GRTP1: variants seen among roughly 807,000 people sequenced by gnomAD.
The protein encoded by GRTP1 is growth hormone regulated TBC protein 1.
GRTP1 carries 56 observed loss-of-function variants against 38.1 expected under a neutral mutation model. The observed-to-expected ratio is 1.47, with a 90% CI of 1.19 to 1.84. GRTP1 has a LOEUF of 1.84. Among genes scored for constraint, GRTP1 ranks in the 40% most tolerant of loss-of-function variants. The pLI is 0.00. For missense variants in GRTP1, 506 were observed against 453.9 expected (o/e 1.11, Z -1.04); for synonymous variants, 217 against 189.5 (o/e 1.14, Z -1.19).
chr13:113,345,512 G>A (rs1169867243), intron 4 of GRTP1, among the ~76,000 whole-genome samples: 3 of 152,272 alleles, frequency 2.0e-5, no homozygotes, highest in South Asian at 2.1e-4. Context: ...GGGCTTCGCA[G>A]CCGTGAGTCA....
chr13:113,332,348 CACAG>C (rs1161716730), intron 5 of GRTP1, among the ~76,000 whole-genome samples: 42 of 146,978 alleles, frequency 2.9e-4, no homozygotes, highest in East Asian at 8.3e-4. Flanking sequence ...GCACGCCACA[CACAG>C]GTACACACGT....
intron 2 of GRTP1, among the ~76,000 whole-genome samples, chr13:113,356,277 A>T (rs1488854599): frequency 1.3e-5 from 2 of 151,554 alleles, no homozygotes; most frequent in Non-Finnish European, 2.9e-5. Flanking sequence ...ATTTTATTTT[A>T]TTTTTTTCGA....
At chr13:113,358,804 A>G (rs1390291349) in intron 2 of GRTP1, among the ~76,000 whole-genome samples, 1 of 152,248 alleles carries the variant, frequency 6.6e-6, no homozygotes, top group Non-Finnish European at 1.5e-5. Flanking sequence ...GGACACTCAT[A>G]TATTTGTGGT....
chr13:113,334,625 G>A (rs1050677042), intron 5 of GRTP1, among the ~76,000 whole-genome samples: 5 of 152,016 alleles, frequency 3.3e-5, no homozygotes, highest in South Asian at 2.1e-4. Context: ...AAAAAAGCAC[G>A]TAATCCTTCA....
At chr13:113,340,133 T>C (rs7981281) in intron 5 of GRTP1, among the ~76,000 whole-genome samples, 147,057 of 151,670 alleles carry the variant, frequency 0.97, 71,447 homozygotes, top group Non-Finnish European at 1. Context: ...CTCAGCCTCC[T>C]GGGTAGCTGG....
chr13:113,357,423 G>A (rs1485761955), intron 2 of GRTP1, among the ~76,000 whole-genome samples: 3 of 119,228 alleles, frequency 2.5e-5, no homozygotes, highest in East Asian at 2.4e-4. Context: ...CCAGCCTGGC[G>A]ACAGAGTGAC....
At chr13:113,354,102 C>A (rs1471082087) in intron 3 of GRTP1, among the ~76,000 whole-genome samples, 1 of 152,192 alleles carries the variant, frequency 6.6e-6, no homozygotes, top group Non-Finnish European at 1.5e-5. Flanking sequence ...ATCCAAAAAA[C>A]CACAAAACAG....
chr13:113,358,728 C>T (rs1377648621), intron 2 of GRTP1, among the ~76,000 whole-genome samples: 3 of 152,004 alleles, frequency 2.0e-5, no homozygotes, highest in African/African-American at 4.8e-5. Flanking sequence ...AGTCCATCTA[C>T]AAAAGAATGA....
intron 5 of GRTP1, among the ~76,000 whole-genome samples, chr13:113,340,551 G>A (rs34902772): frequency 0.24 from 36,591 of 151,608 alleles, 6,112 homozygotes; most frequent in African/African-American, 0.48. Context: ...AGGCCAAGGT[G>A]GGCGGATCAC....
Position 113,348,534 on chromosome 13 carries a change from C to T in GRTP1, c.465+2315G>A, listed in dbSNP as rs2043208639. On this transcript the variant is annotated intron_variant, in intron 4 of 7. Transcript: ENST00000375431. The surrounding 1 kb of genome is among the most constrained non-coding windows in gnomAD (Gnocchi z 4.8). Reference sequence around the variant, plus strand: ...CTGTTGAAGTCCTAACCCCTAGTACCTCAGATTGGGACCTTGTTTGGGAAA... The same window carrying T: ...CTGTTGAAGTCCTAACCCCTAGTACTTCAGATTGGGACCTTGTTTGGGAAA... Among the ~76,000 whole-genome samples the T allele has an allele frequency of 1.3e-5, 2 of 152,198 alleles. No individual in the cohort carries two copies. The highest frequency in any genetic ancestry group is 1.5e-5 in the Non-Finnish European group (1 of 68,036).
At chr13:113,363,644 C>G (rs1259557344) in intron 2 of GRTP1, 118 bp downstream of exon 2, 18 of 1,087,760 alleles carry the variant, frequency 1.7e-5, no homozygotes, top group East Asian at 5.3e-5. Context: ...AGCTTCGTCC[C>G]GACCTGCCCG....
chr13:113,360,672 A>C (rs941848641), intron 2 of GRTP1, among the ~76,000 whole-genome samples: 5 of 152,204 alleles, frequency 3.3e-5, no homozygotes, highest in African/African-American at 1.2e-4. Flanking sequence ...AGTCACCAGC[A>C]TCCCTACTCC....
intron 5 of GRTP1, among the ~76,000 whole-genome samples, chr13:113,326,600 G>A (rs1307603636): frequency 6.6e-6 from 1 of 151,158 alleles, no homozygotes; most frequent in African/African-American, 2.4e-5. Context: ...GAACCTGGGA[G>A]GTGGAGGTTG....
At chr13:113,356,675 A>C (rs1181731193) in intron 2 of GRTP1, among the ~76,000 whole-genome samples, 2 of 152,234 alleles carry the variant, frequency 1.3e-5, no homozygotes, top group African/African-American at 4.8e-5. Context: ...AAAGAAAAAA[A>C]TCTGAGGCAC....
chr13:113,354,724 A>G (rs1425228634), intron 3 of GRTP1, among the ~76,000 whole-genome samples: 1 of 152,048 alleles, frequency 6.6e-6, no homozygotes, highest in East Asian at 1.9e-4. Flanking sequence ...ACCGGGTTTC[A>G]CCATGTTGGG....
chr13:113,351,565 C>T (rs1234438942), intron 3 of GRTP1: 1 of 156,088 alleles, frequency 6.4e-6, no homozygotes, highest in African/African-American at 2.4e-5. Flanking sequence ...CAACCCCTCC[C>T]ACTGTCCCGC....
chr13:113,338,042 G>A (rs1337187618), intron 5 of GRTP1, among the ~76,000 whole-genome samples: 1 of 152,216 alleles, frequency 6.6e-6, no homozygotes, highest in East Asian at 1.9e-4. Context: ...AGGATGTAGA[G>A]CGCTAATTCA....
At chr13:113,332,493 A>G (rs2042892221) in intron 5 of GRTP1, among the ~76,000 whole-genome samples, 1 of 151,948 alleles carries the variant, frequency 6.6e-6, no homozygotes, top group South Asian at 2.1e-4. Flanking sequence ...AGAGCTGCAC[A>G]CTCACTGCCC....
At chr13:113,332,811 C>T (rs181609499) in intron 5 of GRTP1, among the ~76,000 whole-genome samples, 1 of 152,322 alleles carries the variant, frequency 6.6e-6, no homozygotes, top group East Asian at 1.9e-4. Flanking sequence ...TCGAGGAAGC[C>T]GTCGGCGCCA....
Sources: allele counts gnomAD v4.1 joint callset (sites outside exome capture counted in the v4.1 genomes callset), GRCh38; gene constraint gnomAD v4.1.1; non-coding constraint Gnocchi (gnomAD v3.1); transcripts MANE v1.5; gene names NCBI Gene and HGNC (gene_info 2026-07-23, HGNC 2026-07-21).